Variants in UMODL1 observed in about 807,000 individuals in gnomAD.
UMODL1 encodes uromodulin-like 1.
Under a neutral mutation model 136.3 loss-of-function variants are expected in UMODL1, and 128 were observed. The observed-to-expected ratio is 0.94, with a 90% CI of 0.81 to 1.09. The LOEUF (loss-of-function observed/expected upper bound fraction) is 1.09. UMODL1 is among the 50% of genes least tolerant of loss of function. The pLI, the probability that UMODL1 is intolerant of heterozygous loss-of-function variation, is 0.00. For missense variants in UMODL1, 1,766 were observed against 1,725.6 expected, an observed-to-expected ratio of 1.02 and a Z score of -0.41; for synonymous variants, 721 against 720.0, an observed-to-expected ratio of 1.00 and a Z score of -0.02.
chr21:42,082,481 G>C (rs1467948559), intron 2 of UMODL1, among the ~76,000 whole-genome samples: 1 of 152,238 alleles, frequency 6.6e-6, no homozygotes, highest in Non-Finnish European at 1.5e-5. Flanking sequence ...AGCTTGCCAT[G>C]TATCTGGGCA....
At chr21:42,095,252 G>A (rs1250195054) in intron 6 of UMODL1, among the ~76,000 whole-genome samples, 3 of 151,802 alleles carry the variant, frequency 2.0e-5, no homozygotes, top group East Asian at 1.9e-4. Context: ...ACATCACTAC[G>A]TCTGGCTAAT....
At chr21:42,120,630 G>T (rs56255623) in intron 15 of UMODL1, 16,986 of 153,604 alleles carry the variant, frequency 0.11, 1,116 homozygotes, top group East Asian at 0.29. Context: ...CCCTGGCCAC[G>T]CTTTTCTGGT....
In UMODL1 at chr21:42,126,387, C is replaced by T. The variant is rs369746595; in HGVS notation, c.3190C>T (p.Leu1064=). ...TVVRTTLRND[L]SQEGIIHHLK... The stretch of plus-strand genomic sequence containing the variant: ...GGTGAGGACCACGCTGAGGAACGAC[C>T]TGTCCCAGGAGGGCATCATCCACCA... Residue 1064 remains leucine (L), a synonymous_variant, in exon 18 of 23, where the codon CTG becomes TTG. Transcript: ENST00000408910. The T allele has an allele frequency of 2.5e-6, 4 of 1,614,112 alleles. No individual in the cohort carries two copies. The highest frequency in any genetic ancestry group is 1.3e-5 in the African/African-American group (1 of 74,942).
chr21:42,127,873 G>A (rs531900955), intron 20 of UMODL1, 42 bp downstream of exon 20: 18 of 1,606,498 alleles, frequency 1.1e-5, no homozygotes, highest in Admixed American at 3.4e-5. Context: ...TTGGATTCAC[G>A]TTCCTTATTG....
intron 14 of UMODL1, 117 bp downstream of exon 14, chr21:42,116,102 A>T: frequency 3.3e-6 from 2 of 604,476 alleles, no homozygotes; most frequent in Non-Finnish European, 2.7e-6. Flanking sequence ...TGGGAGGCAG[A>T]GGCGGGCAGA....
At chr21:42,102,947 G>C (rs116734140) in intron 8 of UMODL1, 1,552 of 153,506 alleles carry the variant, frequency 0.01, 26 homozygotes, top group African/African-American at 0.036. Context: ...CCCGAGTCCC[G>C]CAGAGGTGAT....
intron 21 of UMODL1, among the ~76,000 whole-genome samples, chr21:42,131,751 T>TGC (rs2067137570): frequency 6.7e-6 from 1 of 149,180 alleles, no homozygotes. Flanking sequence ...ACCCCAGGCC[T>TGC]ACACACAGAA....
chr21:42,071,451 T>A (rs1300454868), intron 1 of UMODL1, 59 bp downstream of exon 1: 1 of 1,466,410 alleles, frequency 6.8e-7, no homozygotes, highest in African/African-American at 1.4e-5. Flanking sequence ...CTGGCATGGG[T>A]CTCATGAGGA....
rs773466744 is a variant in UMODL1, at chr21:42,127,168, G to C, written c.3456G>C (p.Val1152=). Reference sequence around the variant, plus strand: ...ACAGGCAGAAAAGCAACCTCAAGGTGGTCCTGACGGAGTGCTGGGCAACCC... The same window carrying C: ...ACAGGCAGAAAAGCAACCTCAAGGTCGTCCTGACGGAGTGCTGGGCAACCC... ...GLYRQKSNLK[V]VLTECWATPS... Residue 1152 remains valine, a synonymous_variant, in exon 19 of 23, where the codon GTG becomes GTC. Coordinates refer to ENST00000408910, the MANE Select transcript of UMODL1 (RefSeq NM_001004416.3). 6 of 1,614,068 alleles carry C rather than the reference G, an allele frequency of 3.7e-6. No individual in the cohort carries two copies. The Admixed American group carries it at 1.0e-4, about 27-fold the overall frequency.
chr21:42,074,336 C>G (rs1052369298), intron 1 of UMODL1, among the ~76,000 whole-genome samples: 4 of 152,186 alleles, frequency 2.6e-5, no homozygotes, highest in African/African-American at 7.2e-5. Flanking sequence ...TAGGGCCCAC[C>G]CTAATGTCTC....
chr21:42,090,154 T>C, intron 5 of UMODL1, 144 bp from the exon 6 acceptor site: 4 of 1,084,286 alleles, frequency 3.7e-6, no homozygotes, highest in Non-Finnish European at 5.3e-6. Context: ...ATAGTCTCCC[T>C]TGGGATCACT....
chr21:42,084,159 C>G lies in UMODL1; in HGVS notation c.395C>G (p.Pro132Arg), dbSNP rs200091110. The G allele has an allele frequency of 4.3e-4, 688 of 1,614,170 alleles. 1 individual carries two copies. The highest frequency in any genetic ancestry group is 5.2e-4 in the Non-Finnish European group (615 of 1,180,040). The change falls in exon 3 of 23, where the codon CCC becomes CGC. Residue 132 changes from proline (P) to arginine (R), a missense_variant. By Grantham distance (103) the Pro-to-Arg change is moderately radical. Transcript: ENST00000408910. ...PAEGPEPSTS[P>R]CSLDIDCPGL... is the part of the protein sequence containing the mutation. ...GAGGGGCCTGAACCATCCACCTCCC[C>G]CTGCAGCTTGGACATCGACTGTCCT...
upstream of UMODL1, among the ~76,000 whole-genome samples, chr21:42,069,042 C>T (rs545635661): frequency 5.9e-5 from 9 of 152,252 alleles, no homozygotes; most frequent in East Asian, 1.9e-4. Context: ...AGACACACCC[C>T]GGCATTGTTG....
rs1420211794 is a variant in UMODL1, at chr21:42,109,557, G to T, written c.1520-5G>T. 1 of 1,610,564 alleles carries T rather than the reference G, an allele frequency of 6.2e-7. No homozygotes were observed. The stretch of plus-strand genomic sequence containing the variant: ...ATGGGTTTTGATTGTGTCTCCCCCT[G>T]GCAGACTGGGACGAGTGTGTGGACA... On this transcript the variant is annotated splice_region_variant and splice_polypyrimidine_tract_variant and intron_variant, in intron 9 of 22. Transcript: ENST00000408910.
At position 42,122,366 on chromosome 21, in the gene UMODL1, G is replaced by T. The variant is rs1601258134; in HGVS notation, c.2828-465G>T. ...GGAAGTTTGGGCACAAGGACCTCAA[G>T]AGGAGGCATCATTACCCCATCTTAG... On this transcript the variant is annotated intron_variant, in intron 16 of 22. Transcript: ENST00000408910. The surrounding 1 kb of genome is among the most constrained non-coding windows in gnomAD (Gnocchi z 4.3). Among the ~76,000 whole-genome samples the T allele has an allele frequency of 6.6e-6, 1 of 152,164 alleles. No individual in the cohort carries two copies. The highest frequency in any genetic ancestry group is 1.9e-4 in the East Asian group (1 of 5,182).
intron 14 of UMODL1, among the ~76,000 whole-genome samples, chr21:42,117,926 TTTTGGGG>T (rs1161821871): frequency 6.6e-6 from 1 of 152,298 alleles, no homozygotes; most frequent in East Asian, 1.9e-4. Context: ...CTTTGCCCAT[TTTTGGGG>T]TGTTGTTTTT....
intron 8 of UMODL1, 78 bp downstream of exon 8, chr21:42,102,356 C>A: frequency 9.1e-7 from 1 of 1,096,624 alleles, no homozygotes; most frequent in Non-Finnish European, 1.3e-6. Flanking sequence ...TTAATTCCTG[C>A]CCAGCTCTTC....
Position 42,109,571 on chromosome 21 carries a change from A to G in UMODL1, c.1529A>G (p.Glu510Gly), listed in dbSNP as rs1408166637. Residue 510 changes from glutamate to glycine, a missense_variant, in exon 10 of 23, where the codon GAG (glutamate) becomes GGG (glycine). Transcript: ENST00000408910. ...RQGTRVQDWDECVDSAEHDCS... is the reference protein window; with the variant it reads ...RQGTRVQDWDGCVDSAEHDCS... ...TGTCTCCCCCTGGCAGACTGGGACG[A>G]GTGTGTGGACAGCGCGGAACACGAC... 6.2e-7 allele frequency: 1 copy of G among 1,611,422 alleles called. No individual in the cohort carries two copies. Among genetic ancestry groups the G allele is most frequent in the Non-Finnish European group, 8.5e-7 (1 of 1,180,000 alleles).
chr21:42,092,291 A>AG (rs1307465089), intron 6 of UMODL1, among the ~76,000 whole-genome samples: 2 of 152,162 alleles, frequency 1.3e-5, no homozygotes, highest in African/African-American at 4.8e-5. Context: ...GTGGACTCCC[A>AG]GGGGGTCTCT....
Sources: gnomAD v4.1 joint callset for allele counts (sites outside exome capture counted in the v4.1 genomes callset) on GRCh38, gnomAD v4.1.1 for gene constraint, Gnocchi (gnomAD v3.1) non-coding constraint, MANE v1.5 for transcripts, NCBI Gene and HGNC (gene_info 2026-07-23, HGNC 2026-07-21) for gene names.